Variants in DOCK10 observed in about 807,000 individuals in gnomAD.
DOCK10 encodes dedicator of cytokinesis protein 10.
A neutral mutation model predicts 280.1 loss-of-function variants in DOCK10; 145 were observed. That is an observed-to-expected ratio of 0.52 (90% confidence interval 0.45 to 0.59). The LOEUF (loss-of-function observed/expected upper bound fraction) is 0.59. DOCK10 is among the 20% of genes least tolerant of loss of function. The probability of loss-of-function intolerance (pLI) is 0.00; values close to 1 mark genes in which losing one functional copy is unlikely to be tolerated. For missense variants in DOCK10, 2,368 were observed against 2,651.7 expected, an observed-to-expected ratio of 0.89 and a Z score of 2.35; for synonymous variants, 915 against 942.2, an observed-to-expected ratio of 0.97 and a Z score of 0.53.
intron 25 of DOCK10, among the ~76,000 whole-genome samples, chr2:224,835,056 G>A (rs1473347921): frequency 6.6e-6 from 1 of 152,194 alleles, no homozygotes; most frequent in Non-Finnish European, 1.5e-5. Context: ...ATGGCTTAAT[G>A]TAGAGGCACA....
intron 1 of DOCK10, among the ~76,000 whole-genome samples, chr2:224,969,625 T>A (rs1704971226): frequency 6.6e-6 from 1 of 152,204 alleles, no homozygotes; most frequent in South Asian, 2.1e-4. Flanking sequence ...AGATTTGCTA[T>A]GCTTCACTCA....
chr2:225,031,063 G>A (rs1690061078), intron 1 of DOCK10, among the ~76,000 whole-genome samples: 1 of 152,126 alleles, frequency 6.6e-6, no homozygotes, highest in Non-Finnish European at 1.5e-5. Flanking sequence ...TGCTGCCCTG[G>A]AAATATGGAG....
intron 1 of DOCK10, among the ~76,000 whole-genome samples, chr2:224,961,846 C>T (rs1425915349): frequency 3.3e-5 from 5 of 152,126 alleles, no homozygotes; most frequent in Admixed American, 3.3e-4. Flanking sequence ...TATTCTGTGT[C>T]ACACAATTTA....
chr2:224,892,382 A>T (rs1364854092), intron 4 of DOCK10, among the ~76,000 whole-genome samples: 1 of 131,584 alleles, frequency 7.6e-6, no homozygotes, highest in Non-Finnish European at 1.6e-5. Context: ...CTGGGGACGA[A>T]GTGAGACCCT....
intron 28 of DOCK10, among the ~76,000 whole-genome samples, chr2:224,821,465 A>G (rs1414734884): frequency 1.3e-5 from 2 of 152,210 alleles, no homozygotes; most frequent in Non-Finnish European, 2.9e-5. Flanking sequence ...AATTTATTGG[A>G]ATTGCACCAA....
At chr2:224,816,075 C>A (rs559039798) in intron 30 of DOCK10, among the ~76,000 whole-genome samples, 1 of 151,800 alleles carries the variant, frequency 6.6e-6, no homozygotes, top group Non-Finnish European at 1.5e-5. Flanking sequence ...AAAAACTGTA[C>A]CTCATAAATA....
At chr2:224,773,022 A>G (rs896258289) in intron 53 of DOCK10, 135 bp downstream of exon 53, 12 of 757,734 alleles carry the variant, frequency 1.6e-5, no homozygotes, top group Non-Finnish European at 2.4e-5. Flanking sequence ...GCCATTTTAA[A>G]GACCCAGATA....
At chr2:225,008,924 A>G (rs1208429421) in intron 1 of DOCK10, among the ~76,000 whole-genome samples, 1 of 152,208 alleles carries the variant, frequency 6.6e-6, no homozygotes, top group African/African-American at 2.4e-5. Flanking sequence ...CACCTCTCAT[A>G]AGCTGTGTCT....
intron 50 of DOCK10, among the ~76,000 whole-genome samples, chr2:224,783,717 G>GC (rs1001314593): frequency 4.7e-5 from 7 of 147,756 alleles, no homozygotes; most frequent in African/African-American, 1.0e-4. Flanking sequence ...CTTCCCCACT[G>GC]CCCCCCCTCA....
chr2:224,776,431 TC>T (rs1353762385), intron 51 of DOCK10, among the ~76,000 whole-genome samples: 1 of 151,936 alleles, frequency 6.6e-6, no homozygotes, highest in African/African-American at 2.4e-5. Flanking sequence ...CATTTTCTCA[TC>T]CCCCCACGCT....
rs1172999081 is a variant in DOCK10, at chr2:224,988,731, T to C, written c.123+53521A>G. On this transcript the variant is annotated intron_variant, in intron 1 of 55. Coordinates refer to ENST00000258390, the MANE Select transcript of DOCK10 (RefSeq NM_014689.3). ...AACCAGCTAACAATTGAGCAGATTG[T>C]TTTAAGGTGATGATTTAAATTGCAT... Among the ~76,000 whole-genome samples the C allele has an allele frequency of 2.0e-5, 3 of 152,198 alleles. No homozygotes were observed. The East Asian group carries it at 5.8e-4, about 29-fold the overall frequency.
chr2:224,987,826 G>C (rs191100147), intron 1 of DOCK10, among the ~76,000 whole-genome samples: 3 of 152,130 alleles, frequency 2.0e-5, no homozygotes, highest in Non-Finnish European at 4.4e-5. Flanking sequence ...TGAGCATCCT[G>C]GTTCAAGTCT....
intron 19 of DOCK10, 50 bp from the exon 20 acceptor site, chr2:224,845,692 A>G (rs756497494): frequency 5.8e-6 from 9 of 1,547,928 alleles, no homozygotes; most frequent in Non-Finnish European, 7.0e-6. Context: ...CATTTGCTCA[A>G]TATCAGAGCA....
At chr2:224,864,265 TG>T (rs1190214447) in intron 13 of DOCK10, among the ~76,000 whole-genome samples, 6 of 152,192 alleles carry the variant, frequency 3.9e-5, no homozygotes, top group Non-Finnish European at 1.5e-5. Context: ...CCCAGCACTT[TG>T]GGAGTCCAAG....
At position 225,042,109 on chromosome 2, in the gene DOCK10, A is replaced by T; in HGVS notation, c.123+143T>A. ...CTGAGGTGGCGCCGGGGGAGCCCGC[A>T]GAGGCGGCGGGGGAGGGAGTGCGGA... is the stretch of plus-strand genomic sequence containing the variant. On this transcript the variant is annotated intron_variant, in intron 1 of 55. Coordinates refer to ENST00000258390, the MANE Select transcript of DOCK10 (RefSeq NM_014689.3). This position sits in a 1 kb window ranked among gnomAD's most constrained non-coding sequence, Gnocchi z 5.1. 3 of 1,024,060 alleles carry T rather than the reference A, an allele frequency of 2.9e-6. No individual in the cohort carries two copies. Among genetic ancestry groups the T allele is most frequent in the Non-Finnish European group, 3.7e-6 (3 of 805,564 alleles). 63.4% of individuals were successfully genotyped at this position (1,024,060 alleles called of 1,614,324 possible).
At chr2:224,927,988 T>C (rs1050955558) in intron 2 of DOCK10, among the ~76,000 whole-genome samples, 2 of 152,132 alleles carry the variant, frequency 1.3e-5, no homozygotes, top group African/African-American at 4.8e-5. Context: ...GGTCATTCTA[T>C]GACCACTTCA....
At position 224,839,940 on chromosome 2, in the gene DOCK10, T is replaced by C; in HGVS notation, c.2780+14A>G. 2 of 1,222,420 alleles carry C rather than the reference T, an allele frequency of 1.6e-6. No homozygotes were observed. The highest frequency in any genetic ancestry group is 2.3e-6 in the Non-Finnish European group (2 of 857,596). 75.7% of individuals were successfully genotyped at this position (1,222,420 alleles called of 1,614,324 possible). ...ATTATAAAGTCTCTCCTCTTAAGGT[T>C]GTGTTATGGATACCTGGTGACAGTT... On this transcript the variant is annotated intron_variant, in intron 24 of 55. Transcript: ENST00000258390.
At chr2:224,807,538 A>G (rs1018394783) in intron 33 of DOCK10, 130 bp downstream of exon 33, 15 of 632,214 alleles carry the variant, frequency 2.4e-5, no homozygotes, top group African/African-American at 3.7e-5. Context: ...ATGTGAGTAC[A>G]TAGCAGAAAG....
chr2:224,944,292 A>G (rs1326343967), intron 1 of DOCK10, among the ~76,000 whole-genome samples: 2 of 152,246 alleles, frequency 1.3e-5, no homozygotes, highest in Non-Finnish European at 2.9e-5. Context: ...CCCAGGAGAA[A>G]AGCGTGACCT....
Sources: gnomAD v4.1 joint callset for allele counts (sites outside exome capture counted in the v4.1 genomes callset) on GRCh38, gnomAD v4.1.1 for gene constraint, Gnocchi (gnomAD v3.1) non-coding constraint, MANE v1.5 for transcripts, NCBI Gene and HGNC (gene_info 2026-07-23, HGNC 2026-07-21) for gene names.